Variants in CEP170 observed in about 807,000 individuals in gnomAD.
CEP170 encodes the protein centrosomal protein 170.
A neutral mutation model predicts 151.9 loss-of-function variants in CEP170; 21 were observed. The observed-to-expected ratio is 0.14, with a 90% CI of 0.10 to 0.20. CEP170 has a LOEUF of 0.20. Ranked by LOEUF, CEP170 falls within the 10% of genes least tolerant of loss-of-function variation. CEP170 has a pLI of 1.00. For synonymous variants in CEP170, 356 were observed against 648.8 expected, an observed-to-expected ratio of 0.55 and a Z score of 6.86; for missense variants, 964 against 1,892.9, an observed-to-expected ratio of 0.51 and a Z score of 9.11.
At chr1:243,170,569 G>A (rs1054035169) in intron 11 of CEP170, among the ~76,000 whole-genome samples, 3 of 152,154 alleles carry the variant, frequency 2.0e-5, no homozygotes, top group African/African-American at 4.8e-5. Context: ...CAAGGCGGGT[G>A]GATCACCTGA....
intron 4 of CEP170, among the ~76,000 whole-genome samples, chr1:243,203,916 T>C (rs1304660634): frequency 6.6e-6 from 1 of 152,106 alleles, no homozygotes; most frequent in Non-Finnish European, 1.5e-5. Context: ...GAAAATTTTA[T>C]CTATCTGCTT....
chr1:243,146,028 GA>G (rs1018582529), intron 14 of CEP170, among the ~76,000 whole-genome samples: 16 of 151,816 alleles, frequency 1.1e-4, no homozygotes, highest in South Asian at 4.2e-4. Context: ...AAAATATAAG[GA>G]AAAAAAAGTC....
intron 14 of CEP170, among the ~76,000 whole-genome samples, chr1:243,148,453 A>G (rs1387745259): frequency 2.0e-5 from 3 of 152,174 alleles, no homozygotes; most frequent in Admixed American, 1.3e-4. Context: ...GTACACCCGT[A>G]ATCCCAGCTA....
chr1:243,182,790 T>C (rs2148696673), intron 10 of CEP170, among the ~76,000 whole-genome samples: 1 of 152,280 alleles, frequency 6.6e-6, no homozygotes, highest in Admixed American at 6.5e-5. Context: ...CACGACTAGC[T>C]CAGCTGGCAA....
chr1:243,164,384 T>C lies in CEP170; in HGVS notation c.3576A>G (p.Val1192=), dbSNP rs747427504. 6.5e-7 allele frequency: 1 copy of C among 1,540,366 alleles called. No homozygotes were observed. The highest frequency in any genetic ancestry group is 8.8e-7 in the Non-Finnish European group (1 of 1,141,174). The change falls in exon 13 of 20, where the codon GTA becomes GTG. Residue 1192 remains valine (V), a synonymous_variant. Transcript: ENST00000366542. ...EAIIRSGARL[V]PSDKFSPRIR... The stretch of plus-strand genomic sequence containing the variant: ...TTCTAGGAGAAAATTTATCTGATGG[T>C]ACTAGTCTGGCTCCACTTCTAATGA...
At chr1:243,236,268 T>G (rs768541566) in intron 1 of CEP170, among the ~76,000 whole-genome samples, 145 of 152,330 alleles carry the variant, frequency 9.5e-4, no homozygotes, top group Non-Finnish European at 1.1e-3. Flanking sequence ...ATGGGGCTTT[T>G]CCCACAAATC....
At chr1:243,209,414 T>C (rs2061626941) in intron 4 of CEP170, among the ~76,000 whole-genome samples, 1 of 152,080 alleles carries the variant, frequency 6.6e-6, no homozygotes, top group Non-Finnish European at 1.5e-5. Context: ...CTTGAACTCC[T>C]GACCTCAACT....
chr1:243,185,282 A>G lies in CEP170; in HGVS notation c.1566+497T>C, dbSNP rs1429855572. Among the ~76,000 whole-genome samples, 1 of 152,210 alleles carries G rather than the reference A, an allele frequency of 6.6e-6. No homozygotes were observed. Among genetic ancestry groups the G allele is most frequent in the South Asian group, 2.1e-4 (1 of 4,834 alleles). On this transcript the variant is annotated intron_variant, in intron 10 of 19. Transcript: ENST00000366542. The surrounding 1 kb of genome is among the most constrained non-coding windows in gnomAD (Gnocchi z 4.9). ...TTCATATACTTCTCTTCTACCACCA[A>G]TGACAGCAGTGAATAGAAATTAAGA...
At chr1:243,216,745 G>A (rs2062340992) in intron 3 of CEP170, among the ~76,000 whole-genome samples, 1 of 152,166 alleles carries the variant, frequency 6.6e-6, no homozygotes, top group African/African-American at 2.4e-5. Flanking sequence ...AATGATTTAT[G>A]AGTAATCCTA....
intron 1 of CEP170, among the ~76,000 whole-genome samples, chr1:243,232,831 T>C (rs1489375926): frequency 6.6e-6 from 1 of 152,220 alleles, no homozygotes; most frequent in Non-Finnish European, 1.5e-5. Flanking sequence ...AGGGATGGTA[T>C]CATTCTAAAC....
intron 3 of CEP170, among the ~76,000 whole-genome samples, chr1:243,212,451 G>A (rs1166870344): frequency 1.3e-5 from 2 of 152,150 alleles, no homozygotes; most frequent in Non-Finnish European, 2.9e-5. Context: ...TTTTGCAGTT[G>A]TCATATGGGT....
intron 1 of CEP170, among the ~76,000 whole-genome samples, chr1:243,227,555 T>C (rs1443857374): frequency 6.6e-6 from 1 of 152,184 alleles, no homozygotes; most frequent in Non-Finnish European, 1.5e-5. Flanking sequence ...TTAATACAAT[T>C]AATAACTTTT....
chr1:243,140,601 C>T (rs1353374965), intron 15 of CEP170: 1 of 152,124 alleles, frequency 6.6e-6, no homozygotes, highest in African/African-American at 2.4e-5. Flanking sequence ...TTTTTTAATC[C>T]ACAAAATAAA....
At chr1:243,136,081 C>T in intron 17 of CEP170, 62 bp downstream of exon 17, 1 of 1,545,562 alleles carries the variant, frequency 6.5e-7, no homozygotes, top group Non-Finnish European at 8.7e-7. Context: ...CATTTTTAAC[C>T]TTGAGAAAAA....
intron 14 of CEP170, among the ~76,000 whole-genome samples, chr1:243,144,770 T>G (rs1026964013): frequency 1.3e-5 from 2 of 152,202 alleles, no homozygotes; most frequent in Admixed American, 6.5e-5. Flanking sequence ...TATTGTTGAT[T>G]TGAAAACCTA....
intron 1 of CEP170, among the ~76,000 whole-genome samples, chr1:243,244,651 C>T (rs757824811): frequency 3.3e-5 from 5 of 151,822 alleles, no homozygotes; most frequent in East Asian, 1.9e-4. Context: ...GGGACTGAGG[C>T]GGGAGGATGG....
intron 13 of CEP170, among the ~76,000 whole-genome samples, chr1:243,158,512 C>T (rs1427418550): frequency 1.3e-5 from 2 of 152,106 alleles, no homozygotes; most frequent in Non-Finnish European, 2.9e-5. Context: ...TGATACATTT[C>T]GTGGCAGACT....
intron 4 of CEP170, among the ~76,000 whole-genome samples, chr1:243,203,141 C>T (rs2061170103): frequency 6.6e-6 from 1 of 152,142 alleles, no homozygotes; most frequent in Non-Finnish European, 1.5e-5. Context: ...ACTGCTCTAG[C>T]CCCAGCTTTT....
At chr1:243,144,310 G>A (rs2056215736) in intron 14 of CEP170, among the ~76,000 whole-genome samples, 1 of 152,304 alleles carries the variant, frequency 6.6e-6, no homozygotes, top group Non-Finnish European at 1.5e-5. Flanking sequence ...TGAGGCACAG[G>A]AGAAGACATG....
Sources: gnomAD v4.1 joint callset for allele counts (sites outside exome capture counted in the v4.1 genomes callset) on GRCh38, gnomAD v4.1.1 for gene constraint, Gnocchi (gnomAD v3.1) non-coding constraint, MANE v1.5 for transcripts, NCBI Gene and HGNC (gene_info 2026-07-23, HGNC 2026-07-21) for gene names.